ACOX3: variants seen among roughly 807,000 people sequenced by gnomAD.
ACOX3 encodes the protein peroxisomal acyl-coenzyme A oxidase 3.
ACOX3 carries 73 observed loss-of-function variants against 81.5 expected under a neutral mutation model. The ratio of observed to expected loss-of-function variants is 0.90; its 90% CI spans 0.74 to 1.09. ACOX3 has a LOEUF of 1.09. Among genes scored for constraint, ACOX3 ranks in the 50% least tolerant of loss-of-function variants. The probability of loss-of-function intolerance (pLI) is 0.00; values close to 1 mark genes in which losing one functional copy is unlikely to be tolerated. For missense variants in ACOX3, 947 were observed against 928.0 expected (o/e 1.02, Z -0.27); for synonymous variants, 387 against 375.1 (o/e 1.03, Z -0.37).
chr4:8,371,067 G>C lies in ACOX3; in HGVS notation c.1897-73C>G, dbSNP rs140364239. 3.8e-4 allele frequency: 543 copies of C among 1,442,598 alleles called. 2 individuals are homozygous for C. Among genetic ancestry groups the C allele is most frequent in the Admixed American group, 7.5e-4 (42 of 56,140 alleles). 89.4% of individuals were successfully genotyped at this position (1,442,598 alleles called of 1,614,324 possible). ...ATGGTGACCAAAGCATAACAGCCCC[G>C]TGTGTGGTTGCCAGGACCCACTAGC... On this transcript the variant is annotated intron_variant, in intron 16 of 17. Coordinates refer to ENST00000356406, the MANE Select transcript of ACOX3 (RefSeq NM_003501.3).
At position 8,376,703 on chromosome 4, in the gene ACOX3, T is replaced by C. The variant is rs551569494; in HGVS notation, c.1654-1551A>G. 1.0e-3 allele frequency among the ~76,000 whole-genome samples: 156 copies of C among 152,288 alleles called. 1 individual carries two copies. The highest frequency in any genetic ancestry group is 1.9e-3 in the Non-Finnish European group (127 of 68,002). On this transcript the variant is annotated intron_variant, in intron 14 of 17. Transcript: ENST00000356406. ...AAGGCCCGTCCTGCTCCCTGCTGTC[T>C]GAGCATGGAGCATGCCAGCATGGGG...
intron 1 of ACOX3, among the ~76,000 whole-genome samples, chr4:8,435,005 G>A (rs1158007707): frequency 6.6e-6 from 1 of 151,982 alleles, no homozygotes; most frequent in East Asian, 1.9e-4. Flanking sequence ...AGAAAAATAG[G>A]TCAAACACAA....
intron 1 of ACOX3, chr4:8,428,252 T>A (rs1046033960): frequency 2.6e-5 from 4 of 151,048 alleles, no homozygotes; most frequent in Non-Finnish European, 5.9e-5. Context: ...GCACTTTCAG[T>A]GCCCCCGCTC....
chr4:8,382,907 G>A lies in ACOX3; in HGVS notation c.1538-1300C>T, dbSNP rs1480864571. ...CTCGGGAGGCTGAGGCAGGAGAATG[G>A]CGTGAACCCGGGAGGCGGAGTTGCA... On this transcript the variant is annotated intron_variant, in intron 13 of 17. Transcript: ENST00000356406. This position sits in a 1 kb window ranked among gnomAD's most constrained non-coding sequence, Gnocchi z 4.1. 1.3e-5 allele frequency among the ~76,000 whole-genome samples: 2 copies of A among 151,396 alleles called. No individual in the cohort carries two copies. The highest frequency in any genetic ancestry group is 2.9e-5 in the Non-Finnish European group (2 of 67,922).
At chr4:8,387,590 C>A (rs1292605067) in intron 13 of ACOX3, among the ~76,000 whole-genome samples, 1 of 152,220 alleles carries the variant, frequency 6.6e-6, no homozygotes, top group Non-Finnish European at 1.5e-5. Context: ...GAGCTGTTCT[C>A]TGTGATACGC....
chr4:8,436,271 CT>C (rs1211416442), intron 1 of ACOX3: 1 of 152,010 alleles, frequency 6.6e-6, no homozygotes. Context: ...AGACTGGGAG[CT>C]ATACATGGAC....
Position 8,410,210 on chromosome 4 carries a change from A to ACCTGCAC in ACOX3, c.682_687+1dup. 6.2e-7 allele frequency: 1 copy of ACCTGCAC among 1,613,714 alleles called. No homozygotes were observed. On this transcript the variant is annotated splice_donor_variant, in intron 6 of 17. Coordinates refer to ENST00000356406, the MANE Select transcript of ACOX3 (RefSeq NM_003501.3). LOFTEE classifies it high-confidence loss of function. ...CCACTGAGGGCCACCCCAGCGTCCT[A>ACCTGCAC]CCTGCACGATAAAGGGATGCAGCCC...
At position 8,410,285 on chromosome 4, in the gene ACOX3, GTGGC is replaced by G. The variant is rs775727755; in HGVS notation, c.610_613del (p.Ala204LeufsTer38). ...CAGCTTAGCAAACACCACCGCGTGA[GTGGC>G]TGTCTTGCCCATGTTGCCAACCCAA... is the stretch of plus-strand genomic sequence containing the variant. On this transcript the variant is annotated frameshift_variant, in exon 6 of 18. Coordinates refer to ENST00000356406, the MANE Select transcript of ACOX3 (RefSeq NM_003501.3). LOFTEE classifies it high-confidence loss of function. 1 of 1,614,170 alleles carries G rather than the reference GTGGC, an allele frequency of 6.2e-7. No homozygotes were observed. The highest frequency in any genetic ancestry group is 1.7e-5 in the Admixed American group (1 of 60,020).
Position 8,401,806 on chromosome 4 carries a change from G to C in ACOX3, c.777-2154C>G, listed in dbSNP as rs116154587. Among the ~76,000 whole-genome samples the C allele has an allele frequency of 2.8e-3, 430 of 152,310 alleles. 1 individual carries two copies. The highest frequency in any genetic ancestry group is 1.0e-2 in the African/African-American group (414 of 41,578). ...CTGCCTGTGGTGCCCCGTCCACCAG[G>C]TTCTCTCCTGGCCTCATGCCCTCCA... On this transcript the variant is annotated intron_variant, in intron 7 of 17. Coordinates refer to ENST00000356406, the MANE Select transcript of ACOX3 (RefSeq NM_003501.3).
At chr4:8,404,759 T>C (rs1720749162) in intron 7 of ACOX3, among the ~76,000 whole-genome samples, 1 of 152,214 alleles carries the variant, frequency 6.6e-6, no homozygotes, top group South Asian at 2.1e-4. Flanking sequence ...TCCTCTCCTC[T>C]CCACCAGCCT....
intron 7 of ACOX3, among the ~76,000 whole-genome samples, chr4:8,401,075 A>G (rs1289833642): frequency 6.6e-6 from 1 of 151,976 alleles, no homozygotes; most frequent in Non-Finnish European, 1.5e-5. Flanking sequence ...GATCCCTCAC[A>G]TGCGCAGTTC....
chr4:8,392,591 C>A, intron 10 of ACOX3, 138 bp from the exon 11 acceptor site: 1 of 1,002,348 alleles, frequency 1.0e-6, no homozygotes, highest in Middle Eastern at 2.3e-4. Context: ...GAAGAGGAAA[C>A]CTAATTGTAA....
At chr4:8,418,050 C>T (rs997503825) in intron 1 of ACOX3, among the ~76,000 whole-genome samples, 2 of 152,212 alleles carry the variant, frequency 1.3e-5, no homozygotes, top group African/African-American at 4.8e-5. Flanking sequence ...AATCAATAAA[C>T]TGTCCACGAA....
rs113372338 is a variant in ACOX3 at position 8,406,849 on chromosome 4, C to A, written c.688-806G>T. On this transcript the variant is annotated intron_variant, in intron 6 of 17. Transcript: ENST00000356406. The surrounding 1 kb of genome is among the most constrained non-coding windows in gnomAD (Gnocchi z 5.6). ...TGAAGGTGGACTAGGAGCGTGACCACTGAAGCACGGCATCACAGGGAGACG... is the reference window on the plus strand; with the variant it reads ...TGAAGGTGGACTAGGAGCGTGACCAATGAAGCACGGCATCACAGGGAGACG... 0.021 allele frequency among the ~76,000 whole-genome samples: 3,268 copies of A among 152,316 alleles called. 125 individuals are homozygous for A. The highest frequency in any genetic ancestry group is 0.074 in the African/African-American group (3,087 of 41,558).
chr4:8,437,026 C>T lies in ACOX3; in HGVS notation c.-15+3622G>A, dbSNP rs867386994. Among the ~76,000 whole-genome samples the T allele has an allele frequency of 5.9e-5, 8 of 135,384 alleles. No homozygotes were observed. Among genetic ancestry groups the T allele is most frequent in the Middle Eastern group, 4.2e-3 (1 of 240 alleles). The allele number at this position is 135,384 out of a possible 152,430, so 88.8% of individuals were successfully genotyped here. ...AAAAAAATCAGCATATATATATATT[C>T]GAAAAAATATATATAAATATATATA... is the stretch of plus-strand genomic sequence containing the variant. On this transcript the variant is annotated intron_variant, in intron 1 of 17. Transcript: ENST00000356406. This position sits in a 1 kb window ranked among gnomAD's most constrained non-coding sequence, Gnocchi z 5.2.
intron 8 of ACOX3, 138 bp from the exon 9 acceptor site, chr4:8,397,257 C>T (rs1719818043): frequency 1.1e-5 from 9 of 794,650 alleles, no homozygotes; most frequent in East Asian, 9.5e-5. Context: ...ATCCCCAGGG[C>T]GCCCAAGACA....
At chr4:8,387,833 T>G (rs1718495444) in intron 13 of ACOX3, among the ~76,000 whole-genome samples, 1 of 152,154 alleles carries the variant, frequency 6.6e-6, no homozygotes, top group Admixed American at 6.5e-5. Flanking sequence ...AAGGGAGCCT[T>G]CAGGAGTGCC....
rs935324345 is a variant in ACOX3, at chr4:8,384,804, C to T, written c.1538-3197G>A. 2.0e-5 allele frequency among the ~76,000 whole-genome samples: 3 copies of T among 152,196 alleles called. No individual in the cohort carries two copies. Among genetic ancestry groups the T allele is most frequent in the Admixed American group, 1.3e-4 (2 of 15,288 alleles). ...GCCCTGGAAAGCAAGGCCTGGACAG[C>T]GGCCCCAACTCCTCAGCCAGATCAC... On this transcript the variant is annotated intron_variant, in intron 13 of 17. Coordinates refer to ENST00000356406, the MANE Select transcript of ACOX3 (RefSeq NM_003501.3). This position sits in a 1 kb window ranked among gnomAD's most constrained non-coding sequence, Gnocchi z 5.3.
chr4:8,404,648 T>C (rs1369291804), intron 7 of ACOX3, among the ~76,000 whole-genome samples: 2 of 152,158 alleles, frequency 1.3e-5, no homozygotes, highest in African/African-American at 2.4e-5. Context: ...AGAAGGAGGT[T>C]TCTCCATCGC....
Sources: allele counts gnomAD v4.1 joint callset (sites outside exome capture counted in the v4.1 genomes callset), GRCh38; gene constraint gnomAD v4.1.1; non-coding constraint Gnocchi (gnomAD v3.1); transcripts MANE v1.5; gene names NCBI Gene and HGNC (gene_info 2026-07-23, HGNC 2026-07-21).